The following PDE4D variants were observed in gnomAD, a reference collection of about 807,000 sequenced individuals.
PDE4D encodes phosphodiesterase 4D, also known as 3',5'-cyclic-AMP phosphodiesterase 4D.
PDE4D carries 24 observed loss-of-function variants against 87.4 expected under a neutral mutation model. The ratio of observed to expected loss-of-function variants is 0.27; its 90% CI spans 0.20 to 0.39. PDE4D has a LOEUF of 0.39. Among genes scored for constraint, PDE4D ranks in the 10% least tolerant of loss-of-function variants. The pLI is 1.00. For synonymous variants in PDE4D, 384 were observed against 383.2 expected (o/e 1.00, Z -0.02); for missense variants, 714 against 1,041.0 (o/e 0.69, Z 4.32).
At chr5:60,383,307 T>C (rs1313989646) in intron 1 of PDE4D, among the ~76,000 whole-genome samples, 1 of 152,218 alleles carries the variant, frequency 6.6e-6, no homozygotes, top group African/African-American at 2.4e-5. Context: ...ATAAGCCCTC[T>C]GAATATAGTA....
chr5:59,525,614 T>C (rs1406897524), intron 1 of PDE4D, among the ~76,000 whole-genome samples: 2 of 152,082 alleles, frequency 1.3e-5, no homozygotes, highest in African/African-American at 2.4e-5. Context: ...AAGATGAGAT[T>C]TTGGAGGGCA....
At chr5:59,333,335 T>C (rs1203591189) in intron 1 of PDE4D, among the ~76,000 whole-genome samples, 1 of 152,116 alleles carries the variant, frequency 6.6e-6, no homozygotes, top group East Asian at 1.9e-4. Flanking sequence ...ATTTTCTGGA[T>C]ATATCGAGAA....
chr5:59,310,105 AC>A (rs1206510274), intron 1 of PDE4D, among the ~76,000 whole-genome samples: 2 of 152,122 alleles, frequency 1.3e-5, no homozygotes, highest in East Asian at 3.9e-4. Flanking sequence ...TACTGAGTAG[AC>A]CTAAGTCACT....
intron 2 of PDE4D, among the ~76,000 whole-genome samples, chr5:60,109,342 A>G (rs1777417247): frequency 6.6e-6 from 1 of 152,142 alleles, no homozygotes; most frequent in African/African-American, 2.4e-5. Context: ...AAAGGCAATC[A>G]TTAAAAAGTC....
At chr5:59,766,833 T>G (rs1486542104) in intron 1 of PDE4D, among the ~76,000 whole-genome samples, 3 of 152,234 alleles carry the variant, frequency 2.0e-5, no homozygotes, top group Non-Finnish European at 4.4e-5. Context: ...AAGCCATCAT[T>G]TCCCAATAAC....
chr5:59,021,434 T>C (rs1162329876), intron 6 of PDE4D, among the ~76,000 whole-genome samples: 1 of 152,204 alleles, frequency 6.6e-6, no homozygotes, highest in East Asian at 1.9e-4. Context: ...CCAGCCCTGT[T>C]GATTCAAGCT....
chr5:59,027,360 C>G (rs1281096304), intron 6 of PDE4D, among the ~76,000 whole-genome samples: 1 of 151,922 alleles, frequency 6.6e-6, no homozygotes, highest in East Asian at 1.9e-4. Flanking sequence ...ACTACAGTTT[C>G]TTTTTTTTCC....
intron 1 of PDE4D, among the ~76,000 whole-genome samples, chr5:59,844,907 C>A (rs1186047191): frequency 6.6e-6 from 1 of 152,000 alleles, no homozygotes; most frequent in African/African-American, 2.4e-5. Flanking sequence ...GGAGTTGGGC[C>A]CTTCCTGAAG....
intron 1 of PDE4D, among the ~76,000 whole-genome samples, chr5:59,802,950 A>G (rs771928096): frequency 1.1e-4 from 16 of 152,174 alleles, no homozygotes; most frequent in Non-Finnish European, 1.9e-4. Context: ...AAGCAAGAAC[A>G]TAGAAAACAC....
chr5:59,073,869 T>C (rs142071917), intron 5 of PDE4D, among the ~76,000 whole-genome samples: 1 of 152,292 alleles, frequency 6.6e-6, no homozygotes, highest in African/African-American at 2.4e-5. Flanking sequence ...GTTGTATAAA[T>C]ATACTTAGAG....
intron 1 of PDE4D, among the ~76,000 whole-genome samples, chr5:60,429,493 C>G (rs1744007131): frequency 6.6e-6 from 1 of 152,096 alleles, no homozygotes; most frequent in Non-Finnish European, 1.5e-5. Context: ...CTAGGACTTC[C>G]AATACTATGT....
At chr5:59,893,823 G>A (rs998455816), upstream of PDE4D, 17 of 1,324,960 alleles carry the variant, frequency 1.3e-5, no homozygotes, top group East Asian at 4.2e-4. Flanking sequence ...GTCACAGAAC[G>A]CGGCAGGGCT....
intron 1 of PDE4D, among the ~76,000 whole-genome samples, chr5:59,577,446 C>T (rs1018947001): frequency 2.0e-5 from 3 of 152,026 alleles, no homozygotes; most frequent in African/African-American, 7.2e-5. Flanking sequence ...AATGGAAGAA[C>T]AATTATGCCT....
chr5:60,497,740 C>A (rs192891550), intron 1 of PDE4D, among the ~76,000 whole-genome samples: 53 of 152,226 alleles, frequency 3.5e-4, no homozygotes, highest in Admixed American at 2.7e-3. Flanking sequence ...TTAGTCCTAT[C>A]CTCTTTCTAC....
At chr5:59,938,716 C>A (rs1373872812) in intron 3 of PDE4D, among the ~76,000 whole-genome samples, 3 of 152,152 alleles carry the variant, frequency 2.0e-5, no homozygotes, top group African/African-American at 7.2e-5. Context: ...GTCTTTCCTG[C>A]TAGCAAGGCC....
At chr5:59,987,877 C>T (rs1304121306) in intron 3 of PDE4D, 1 of 152,180 alleles carries the variant, frequency 6.6e-6, no homozygotes, top group South Asian at 2.1e-4. Flanking sequence ...AAAAATTATA[C>T]CCTGCAAAGT....
chr5:59,753,155 G>A (rs1760730376), intron 1 of PDE4D, among the ~76,000 whole-genome samples: 1 of 152,048 alleles, frequency 6.6e-6, no homozygotes, highest in African/African-American at 2.4e-5. Context: ...AGAACTGTAG[G>A]GTAATTAATG....
chr5:59,656,004 C>A (rs1196360807), intron 1 of PDE4D, among the ~76,000 whole-genome samples: 1 of 152,108 alleles, frequency 6.6e-6, no homozygotes, highest in Non-Finnish European at 1.5e-5. Flanking sequence ...TTACTTCCCC[C>A]CTCCTCCTAC....
intron 1 of PDE4D, among the ~76,000 whole-genome samples, chr5:59,578,954 T>C (rs897929686): frequency 2.6e-5 from 4 of 151,930 alleles, no homozygotes; most frequent in Non-Finnish European, 4.4e-5. Context: ...CTCCTCTTCT[T>C]CTCCTCCTCC....
Sources: allele counts gnomAD v4.1 joint callset (sites outside exome capture counted in the v4.1 genomes callset), GRCh38; gene constraint gnomAD v4.1.1; transcripts MANE v1.5; gene names NCBI Gene and HGNC (gene_info 2026-07-23, HGNC 2026-07-21).